Variants in RIPPLY3 observed in about 807,000 individuals in gnomAD.
RIPPLY3 encodes protein ripply3.
RIPPLY3 carries 8 observed loss-of-function variants against 11.9 expected under a neutral mutation model. That is an observed-to-expected ratio of 0.67 (90% CI 0.40 to 1.21). The LOEUF (loss-of-function observed/expected upper bound fraction) is 1.21, where lower values mean the gene tolerates loss of function less well. RIPPLY3 is among the 50% of genes most tolerant of loss of function. RIPPLY3 has a pLI of 0.01. For synonymous variants in RIPPLY3, 102 were observed against 99.0 expected (o/e 1.03, Z -0.18); for missense variants, 271 against 246.0 (o/e 1.10, Z -0.68).
rs571407177 is a variant in RIPPLY3 at position 37,013,714 on chromosome 21, G to A, written c.239+96G>A. 4.3e-4 allele frequency: 368 copies of A among 852,074 alleles called. 1 individual carries two copies. Among genetic ancestry groups the A allele is most frequent in the Admixed American group, 6.6e-4 (30 of 45,476 alleles). 52.8% of individuals were successfully genotyped at this position (852,074 alleles called of 1,614,324 possible). Reference sequence around the variant, plus strand: ...TTCAACCACATAGATTGTCAACAAAGTGGAAAATAATTCAATGTATTCTTT... The same window carrying A: ...TTCAACCACATAGATTGTCAACAAAATGGAAAATAATTCAATGTATTCTTT... On this transcript the variant is annotated intron_variant, in intron 3 of 3. Transcript: ENST00000329553.
intron 1 of RIPPLY3, among the ~76,000 whole-genome samples, 199 bp downstream of exon 1, chr21:37,007,075 C>A (rs1379309355): frequency 6.6e-6 from 1 of 152,250 alleles, no homozygotes; most frequent in Admixed American, 6.5e-5. Context: ...CCGGTTCCAA[C>A]GCACAGCTCT....
chr21:37,011,860 G>A (rs1383945057), intron 2 of RIPPLY3, among the ~76,000 whole-genome samples: 2 of 144,752 alleles, frequency 1.4e-5, no homozygotes, highest in Non-Finnish European at 3.0e-5. Context: ...GGCTGAGGCA[G>A]GAGAATCTCA....
intron 2 of RIPPLY3, among the ~76,000 whole-genome samples, chr21:37,008,441 T>TA (rs2069487898): frequency 6.6e-6 from 1 of 151,942 alleles, no homozygotes; most frequent in African/African-American, 2.4e-5. Context: ...TTCTCCTTCC[T>TA]AAAAAAGCAT....
intron 2 of RIPPLY3, 90 bp downstream of exon 2, chr21:37,008,313 C>CGG (rs1230374104): frequency 7.3e-7 from 1 of 1,368,036 alleles, no homozygotes; most frequent in East Asian, 2.4e-5. Flanking sequence ...TGGCCTTCTG[C>CGG]GCAGGGCCGT....
upstream of RIPPLY3, chr21:37,006,156 C>T (rs555193748): frequency 3.5e-4 from 54 of 152,502 alleles, no homozygotes; most frequent in African/African-American, 1.2e-3. This position sits in a 1 kb window ranked among gnomAD's most constrained non-coding sequence, Gnocchi z 5.2. Context: ...GGACCAAAGC[C>T]CGAGGCCGCG....
At position 37,016,493 on chromosome 21, in the gene RIPPLY3, C is replaced by A. The variant is rs142247383; in HGVS notation, c.240-1381C>A. Among the ~76,000 whole-genome samples the A allele has an allele frequency of 9.9e-5, 15 of 152,162 alleles. 1 individual carries two copies. In the East Asian group the frequency reaches 2.9e-3, roughly 29 times the overall value. ...AAATAAGCAGTGATCAATTGACAAA[C>A]TCACTTCTTCAGAAGACCACAGAGA... On this transcript the variant is annotated intron_variant, in intron 3 of 3. Coordinates refer to ENST00000329553, the MANE Select transcript of RIPPLY3 (RefSeq NM_018962.3).
chr21:37,009,835 CGGATGT>C (rs2069502414), intron 2 of RIPPLY3, among the ~76,000 whole-genome samples: 1 of 152,206 alleles, frequency 6.6e-6, no homozygotes, highest in Non-Finnish European at 1.5e-5. Context: ...GTTCTGTCCA[CGGATGT>C]GGGTGTGGGA....
At chr21:37,007,880 A>G (rs1456042239) in intron 1 of RIPPLY3, among the ~76,000 whole-genome samples, 1 of 152,198 alleles carries the variant, frequency 6.6e-6, no homozygotes, top group Admixed American at 6.5e-5. Flanking sequence ...GCAGGGAGAG[A>G]AATCTCTCAA....
chr21:37,007,037 C>T (rs2069471937), intron 1 of RIPPLY3, among the ~76,000 whole-genome samples, 161 bp downstream of exon 1: 2 of 152,370 alleles, frequency 1.3e-5, no homozygotes, highest in East Asian at 1.9e-4. Context: ...AGCCGGCAGC[C>T]GGGTTCCCGG....
In RIPPLY3 at chr21:37,018,304, C is replaced by T; in HGVS notation, c.*97C>T. The T allele has an allele frequency of 9.4e-7, 1 of 1,064,160 alleles. No homozygotes were observed. Among genetic ancestry groups the T allele is most frequent in the Non-Finnish European group, 1.4e-6 (1 of 707,110 alleles). 65.9% of individuals were successfully genotyped at this position (1,064,160 alleles called of 1,614,324 possible). On this transcript the variant is annotated 3_prime_UTR_variant, in exon 4 of 4. Transcript: ENST00000329553. ...ACACTACGCATCCCTGCTGAGTGTG[C>T]AGAGGCTAGAGGCTTCTCGGGCAGC...
chr21:37,011,929 C>CAAAA lies in RIPPLY3; in HGVS notation c.172-1596_172-1593dup, dbSNP rs59382996. Among the ~76,000 whole-genome samples the CAAAA allele has an allele frequency of 1.3e-3, 60 of 47,102 alleles. 1 individual carries two copies. Among genetic ancestry groups the CAAAA allele is most frequent in the African/African-American group, 2.7e-3 (36 of 13,204 alleles). 30.9% of individuals were successfully genotyped at this position (47,102 alleles called of 152,430 possible). A position where few individuals can be genotyped will look rare whatever the true frequency, so the allele number is the denominator to read the frequency against. Reference sequence around the variant, plus strand: ...GGGTGAGCAGAGTAAGACTCCGTCTCAAAAAAAAAAAAAAAAAAAAAAAAA... The same window carrying CAAAA: ...GGGTGAGCAGAGTAAGACTCCGTCTCAAAAAAAAAAAAAAAAAAAAAAAAAAAAA... On this transcript the variant is annotated intron_variant, in intron 2 of 3. Coordinates refer to ENST00000329553, the MANE Select transcript of RIPPLY3 (RefSeq NM_018962.3).
At chr21:37,009,772 T>A (rs2069501953) in intron 2 of RIPPLY3, among the ~76,000 whole-genome samples, 1 of 152,234 alleles carries the variant, frequency 6.6e-6, no homozygotes, top group Admixed American at 6.5e-5. Flanking sequence ...TGCAGAGAAA[T>A]GTTAAACGTT....
chr21:37,006,991 C>A lies in RIPPLY3; in HGVS notation c.104+115C>A. ...GCTGAACCCCCGATCCCCAGCGGAG[C>A]TCCGGAGCTCGACGGCGACGCCAAG... On this transcript the variant is annotated intron_variant, in intron 1 of 3. Transcript: ENST00000329553. This position sits in a 1 kb window ranked among gnomAD's most constrained non-coding sequence, Gnocchi z 5.2. 1.7e-6 allele frequency: 1 copy of A among 600,130 alleles called. No individual in the cohort carries two copies. Among genetic ancestry groups the A allele is most frequent in the African/African-American group, 1.9e-5 (1 of 51,584 alleles). The allele number at this position is 600,130 out of a possible 1,614,324, so 37.2% of individuals were successfully genotyped here. A position where few individuals can be genotyped will look rare whatever the true frequency, so the allele number is the denominator to read the frequency against.
chr21:37,018,293 T>G lies in RIPPLY3; in HGVS notation c.*86T>G. ...CCCGAGCCAGGACACTACGCATCCC[T>G]GCTGAGTGTGCAGAGGCTAGAGGCT... is the stretch of plus-strand genomic sequence containing the variant. On this transcript the variant is annotated 3_prime_UTR_variant, in exon 4 of 4. Coordinates refer to ENST00000329553, the MANE Select transcript of RIPPLY3 (RefSeq NM_018962.3). 1.7e-6 allele frequency: 2 copies of G among 1,142,918 alleles called. No homozygotes were observed. The highest frequency in any genetic ancestry group is 2.6e-6 in the Non-Finnish European group (2 of 771,818). The allele number at this position is 1,142,918 out of a possible 1,614,324, so 70.8% of individuals were successfully genotyped here.
At chr21:37,016,484 A>G (rs1177949053) in intron 3 of RIPPLY3, among the ~76,000 whole-genome samples, 1 of 152,226 alleles carries the variant, frequency 6.6e-6, no homozygotes. Context: ...GCAGTGATCA[A>G]TTGACAAACT....
chr21:37,006,790 G>A lies in RIPPLY3; in HGVS notation c.18G>A (p.Ala6=). 8.1e-7 allele frequency: 1 copy of A among 1,232,960 alleles called. No homozygotes were observed. The highest frequency in any genetic ancestry group is 1.0e-6 in the Non-Finnish European group (1 of 988,970). 76.4% of individuals were successfully genotyped at this position (1,232,960 alleles called of 1,614,324 possible). ...CCGGCACCATGGAGCCCGAAGCGGC[G>A]GCCGGAGCCCGGAAGGCGCGGGGGC... MEPEA[A]AGARKARGRG... is the part of the protein sequence containing the mutation. Residue 6 remains alanine (A), a synonymous_variant, in exon 1 of 4, where the codon GCG becomes GCA. Transcript: ENST00000329553. This position sits in a 1 kb window ranked among gnomAD's most constrained non-coding sequence, Gnocchi z 5.2.
At chr21:37,009,451 G>T (rs941377596) in intron 2 of RIPPLY3, among the ~76,000 whole-genome samples, 1 of 152,172 alleles carries the variant, frequency 6.6e-6, no homozygotes, top group Admixed American at 6.5e-5. Flanking sequence ...TTACTTCAAA[G>T]AAGGAAGCAG....
intron 3 of RIPPLY3, among the ~76,000 whole-genome samples, chr21:37,017,204 T>C (rs764334836): frequency 8.6e-5 from 13 of 151,024 alleles, no homozygotes; most frequent in Non-Finnish European, 1.6e-4. Flanking sequence ...ATACTTGCCA[T>C]GTATGAGCAA....
Position 37,018,148 on chromosome 21 carries a change from G to T in RIPPLY3, c.514G>T (p.Glu172Ter). The change falls in exon 4 of 4, where the codon GAG (glutamate) becomes TAG (stop). Residue 172 changes from glutamate to a stop codon, truncating the protein, a stop_gained. Transcript: ENST00000329553. LOFTEE classifies it low-confidence loss of function (END_TRUNC). ...CTCAGGAGGGGGTGACCACTGGGGG[G>T]AGGGTCCGCTCCCTCAAGGTGTCTC... ...RSSGGGDHWG[E>*]GPLPQGVSSR... The T allele has an allele frequency of 1.2e-6, 2 of 1,613,972 alleles. No homozygotes were observed. Among genetic ancestry groups the T allele is most frequent in the Non-Finnish European group, 8.5e-7 (1 of 1,179,984 alleles).
Sources: allele counts gnomAD v4.1 joint callset (sites outside exome capture counted in the v4.1 genomes callset), GRCh38; gene constraint gnomAD v4.1.1; non-coding constraint Gnocchi (gnomAD v3.1); transcripts MANE v1.5; gene names NCBI Gene and HGNC (gene_info 2026-07-23, HGNC 2026-07-21).